INTS4: variants seen among roughly 807,000 people sequenced by gnomAD.
INTS4 encodes the protein integrator complex subunit 4, also known as MSTP093.
In INTS4, 70 loss-of-function variants were observed where a neutral mutation model predicts 119.5. That is an observed-to-expected ratio of 0.59 (90% CI 0.48 to 0.71). The LOEUF is 0.71. INTS4 is among the 30% of genes least tolerant of loss of function. INTS4 has a pLI of 0.00. For synonymous variants in INTS4, 316 were observed against 419.6 expected (o/e 0.75, Z 3.02); for missense variants, 867 against 1,173.2 (o/e 0.74, Z 3.81).
intron 10 of INTS4, among the ~76,000 whole-genome samples, chr11:77,933,478 G>A (rs1260926887): frequency 6.6e-6 from 1 of 152,150 alleles, no homozygotes; most frequent in South Asian, 2.1e-4. Flanking sequence ...TGCCAGCCTC[G>A]GCCTCCTGAG....
At chr11:77,968,647 T>C (rs1449139781) in intron 4 of INTS4, among the ~76,000 whole-genome samples, 1 of 152,218 alleles carries the variant, frequency 6.6e-6, no homozygotes, top group Non-Finnish European at 1.5e-5. Context: ...ACATGGTAAA[T>C]TTTATGTTAA....
At chr11:77,897,508 A>T (rs58020660) in intron 18 of INTS4, among the ~76,000 whole-genome samples, 19,276 of 148,380 alleles carry the variant, frequency 0.13, 1,446 homozygotes, top group Admixed American at 0.2. Context: ...TATTATTATT[A>T]TTTTTTTTTT....
chr11:77,917,319 CTTT>C (rs59309476), intron 15 of INTS4, among the ~76,000 whole-genome samples: 1 of 144,988 alleles, frequency 6.9e-6, no homozygotes, highest in Admixed American at 6.9e-5. Context: ...TTCCTTCTTT[CTTT>C]TTTTTTTTTG....
At chr11:77,895,063 G>T (rs183698342) in intron 18 of INTS4, among the ~76,000 whole-genome samples, 4 of 152,288 alleles carry the variant, frequency 2.6e-5, no homozygotes, top group African/African-American at 9.6e-5. Flanking sequence ...CATAGATGGT[G>T]TTCCTTCCTC....
intron 1 of INTS4, among the ~76,000 whole-genome samples, chr11:77,994,248 C>T (rs1274143942): frequency 6.6e-6 from 1 of 152,044 alleles, no homozygotes; most frequent in Non-Finnish European, 1.5e-5. Flanking sequence ...TCGTACCCCT[C>T]CGGAAGGCTC....
chr11:77,991,280 G>C lies in INTS4; in HGVS notation c.74C>G (p.Thr25Ser). The C allele has an allele frequency of 6.2e-7, 1 of 1,613,448 alleles. No individual in the cohort carries two copies. The highest frequency in any genetic ancestry group is 1.1e-5 in the South Asian group (1 of 91,040). ...TGGTTTTGTTAGTCGGAGTTTCTTA[G>C]TAGCAATTTCCTCCTGTGGCTGCAA... ...KVVQPQEEIA[T>S]KKLRLTKPSK... The change falls in exon 2 of 23, where the codon ACT becomes AGT. Residue 25 changes from threonine (T) to serine (S), a missense_variant. By Grantham distance (58) the Thr-to-Ser change is moderately conservative (BLOSUM62 1). Around this residue, in one of 5 missense-constraint regions of INTS4, gnomAD observed 224 missense variants for 231.8 expected, o/e 0.97. Coordinates refer to ENST00000534064, the MANE Select transcript of INTS4 (RefSeq NM_033547.4).
In INTS4 at chr11:77,980,002, C is replaced by A. The variant is rs58559272; in HGVS notation, c.365-900G>T. Among the ~76,000 whole-genome samples the A allele has an allele frequency of 2.8e-4, 39 of 139,608 alleles. 4 individuals carry two copies. Among genetic ancestry groups the A allele is most frequent in the Middle Eastern group, 7.6e-3 (2 of 262 alleles). The allele number at this position is 139,608 out of a possible 152,430, so 91.6% of individuals were successfully genotyped here. A position where few individuals can be genotyped will look rare whatever the true frequency, so the allele number is the denominator to read the frequency against. Reference sequence around the variant, plus strand: ...CAAAAAAAAAAAAAAAAAGAAGAAACAGAAAAAAAAAAAAGTTTTCCATTG... The same window carrying A: ...CAAAAAAAAAAAAAAAAAGAAGAAAAAGAAAAAAAAAAAAGTTTTCCATTG... On this transcript the variant is annotated intron_variant, in intron 3 of 22. Transcript: ENST00000534064.
At chr11:77,989,166 G>C (rs886114936) in intron 2 of INTS4, among the ~76,000 whole-genome samples, 1 of 151,998 alleles carries the variant, frequency 6.6e-6, no homozygotes, top group Admixed American at 6.6e-5. Context: ...GAAATAATTA[G>C]AAAAAAATGA....
chr11:77,941,974 T>G (rs1347899374), intron 8 of INTS4, among the ~76,000 whole-genome samples: 1 of 152,234 alleles, frequency 6.6e-6, no homozygotes, highest in Non-Finnish European at 1.5e-5. Context: ...ATTCCAGAGC[T>G]AGGAAATAAA....
At chr11:77,926,682 C>T (rs143732490) in intron 11 of INTS4, among the ~76,000 whole-genome samples, 1,626 of 151,336 alleles carry the variant, frequency 0.011, 11 homozygotes, top group Non-Finnish European at 0.017. Flanking sequence ...TATTGTGGTG[C>T]GTGCCTGTAA....
chr11:77,903,213 C>G (rs1298912136), intron 17 of INTS4, among the ~76,000 whole-genome samples: 2 of 152,232 alleles, frequency 1.3e-5, no homozygotes, highest in Non-Finnish European at 2.9e-5. Context: ...TAGTTATGCT[C>G]CTTCTCATAT....
In INTS4 at chr11:77,982,403, G is replaced by A. The variant is rs187275240; in HGVS notation, c.247-827C>T. ...TCCTCCTGCCTTGGCTTCCCAAAATGCTGGAATTACAGGTGTGAGCCACCA... is the reference window on the plus strand; with the variant it reads ...TCCTCCTGCCTTGGCTTCCCAAAATACTGGAATTACAGGTGTGAGCCACCA... On this transcript the variant is annotated intron_variant, in intron 2 of 22. Coordinates refer to ENST00000534064, the MANE Select transcript of INTS4 (RefSeq NM_033547.4). Among the ~76,000 whole-genome samples, 120 of 152,174 alleles carry A rather than the reference G, an allele frequency of 7.9e-4. 2 individuals carry two copies. The highest frequency in any genetic ancestry group is 5.9e-5 in the Non-Finnish European group (4 of 68,012).
intron 1 of INTS4, among the ~76,000 whole-genome samples, chr11:77,993,549 A>G (rs1856781906): frequency 6.6e-6 from 1 of 152,222 alleles, no homozygotes; most frequent in Non-Finnish European, 1.5e-5. Flanking sequence ...AGGAAATCAC[A>G]TTGTGCAACA....
Position 77,900,504 on chromosome 11 carries a change from C to A in INTS4, c.2228+917G>T. 4 of 589,712 alleles carry A rather than the reference C, an allele frequency of 6.8e-6. No individual in the cohort carries two copies. In the South Asian group the frequency reaches 8.4e-5, roughly 12 times the overall value. 36.5% of individuals were successfully genotyped at this position (589,712 alleles called of 1,614,324 possible). A position where few individuals can be genotyped will look rare whatever the true frequency, so the allele number is the denominator to read the frequency against. ...TATTTTTCAGGATGTTATTTCTGAC[C>A]TAGTATGTTTCTGTGTTTAAGCATT... is the stretch of plus-strand genomic sequence containing the variant. On this transcript the variant is annotated intron_variant, in intron 18 of 22. Transcript: ENST00000534064.
At chr11:77,912,234 C>T (rs1209492819) in intron 15 of INTS4, among the ~76,000 whole-genome samples, 1 of 151,986 alleles carries the variant, frequency 6.6e-6, no homozygotes, top group Non-Finnish European at 1.5e-5. Context: ...TGGTGGAGTG[C>T]GCCTGTAGTC....
Position 77,981,464 on chromosome 11 carries a change from T to C in INTS4, c.359A>G (p.Asn120Ser), listed in dbSNP as rs373833964. 6.1e-6 allele frequency: 9 copies of C among 1,474,756 alleles called. No homozygotes were observed. The African/African-American group carries it at 1.1e-4, about 18-fold the overall frequency. The allele number at this position is 1,474,756 out of a possible 1,614,324, so 91.4% of individuals were successfully genotyped here. The stretch of plus-strand genomic sequence containing the variant: ...GCTTTTAAATTGCAACTTACTTTCA[T>C]TCTGCAGGATGTTGATGGCATCATC... ...IMDDAINILQ[N>S]EKSHQVLAQL... is the part of the protein sequence containing the mutation. Residue 120 changes from asparagine to serine, a missense_variant, in exon 3 of 23, where the codon AAT becomes AGT. Coordinates refer to ENST00000534064, the MANE Select transcript of INTS4 (RefSeq NM_033547.4).
At chr11:77,957,181 C>T (rs1198790469) in intron 7 of INTS4, among the ~76,000 whole-genome samples, 2 of 152,142 alleles carry the variant, frequency 1.3e-5, no homozygotes, top group African/African-American at 2.4e-5. Flanking sequence ...AATCCACCCG[C>T]CTCAGCCTCC....
intron 15 of INTS4, chr11:77,918,125 GA>G: frequency 1.4e-6 from 1 of 702,258 alleles, no homozygotes; most frequent in Non-Finnish European, 2.6e-6. Context: ...TGCAGAAGAT[GA>G]AGACAGAAGA....
intron 8 of INTS4, among the ~76,000 whole-genome samples, chr11:77,942,179 CTAGTAAGGGA>C (rs1195753340): frequency 6.6e-6 from 1 of 152,086 alleles, no homozygotes; most frequent in African/African-American, 2.4e-5. Context: ...ATCTCACAGA[CTAGTAAGGGA>C]AACTGACAAG....
Sources: allele counts gnomAD v4.1 joint callset (sites outside exome capture counted in the v4.1 genomes callset), GRCh38; gene constraint gnomAD v4.1.1; regional missense constraint gnomAD v4.1.1; transcripts MANE v1.5; gene names NCBI Gene and HGNC (gene_info 2026-07-23, HGNC 2026-07-21).